Variants in C4orf46 observed in about 807,000 individuals in gnomAD.
C4orf46 encodes chromosome 4 open reading frame 46, also known as renal cancer differentiation gene 1 protein.
In C4orf46, 8 loss-of-function variants were observed where a neutral mutation model predicts 9.1. The ratio of observed to expected loss-of-function variants is 0.88; its 90% confidence interval spans 0.52 to 1.59. C4orf46 has a LOEUF of 1.59. Ranked by LOEUF, C4orf46 falls within the 40% of genes most tolerant of loss-of-function variation. The pLI is 0.00. For synonymous variants in C4orf46, 51 were observed against 58.8 expected (o/e 0.87, Z 0.61); for missense variants, 151 against 139.1 (o/e 1.09, Z -0.43).
Position 158,667,156 on chromosome 4 carries a change from G to T in C4orf46, c.*2457C>A, listed in dbSNP as rs770959865. The T allele has an allele frequency of 6.6e-6, 1 of 152,106 alleles. No individual in the cohort carries two copies. Among genetic ancestry groups the T allele is most frequent in the Non-Finnish European group, 1.5e-5 (1 of 68,016 alleles). The allele number at this position is 152,106 out of a possible 1,614,324, so 9.4% of individuals were successfully genotyped here. On this transcript the variant is annotated 3_prime_UTR_variant, in exon 2 of 2. Transcript: ENST00000379205. ...AAAAAGAACAGAAAGGTCAGAATCTGGCCCTTACATAGTAACTGCATGACA... is the reference window on the plus strand; with the variant it reads ...AAAAAGAACAGAAAGGTCAGAATCTTGCCCTTACATAGTAACTGCATGACA...
chr4:158,671,811 T>G lies in C4orf46; in HGVS notation c.-10A>C, dbSNP rs373903406. 4.7e-6 allele frequency: 7 copies of G among 1,499,398 alleles called. No homozygotes were observed. In the South Asian group the frequency reaches 7.6e-5, roughly 16 times the overall value. 92.9% of individuals were successfully genotyped at this position (1,499,398 alleles called of 1,614,324 possible). A position where few individuals can be genotyped will look rare whatever the true frequency, so the allele number is the denominator to read the frequency against. On this transcript the variant is annotated 5_prime_UTR_variant, in exon 1 of 2. Coordinates refer to ENST00000379205, the MANE Select transcript of C4orf46 (RefSeq NM_001008393.4). Reference sequence around the variant, plus strand: ...CCTCAGGGTCGGCCATGGGGAAGGGTTGGGACCGCGGAATCCGACCCGAGA... The same window carrying G: ...CCTCAGGGTCGGCCATGGGGAAGGGGTGGGACCGCGGAATCCGACCCGAGA...
chr4:158,667,039 G>A lies in C4orf46; in HGVS notation c.*2574C>T, dbSNP rs1454285697. On this transcript the variant is annotated 3_prime_UTR_variant, in exon 2 of 2. Transcript: ENST00000379205. ...AAGGACAGTTAAAATAGCCATTTCTGCAACTACTGTTAGTCAAGCACCTTT... is the reference window on the plus strand; with the variant it reads ...AAGGACAGTTAAAATAGCCATTTCTACAACTACTGTTAGTCAAGCACCTTT... The A allele has an allele frequency of 2.0e-5, 3 of 152,156 alleles. No individual in the cohort carries two copies. Among genetic ancestry groups the A allele is most frequent in the Non-Finnish European group, 4.4e-5 (3 of 68,024 alleles). 9.4% of individuals were successfully genotyped at this position (152,156 alleles called of 1,614,324 possible).
rs1217929605 is a variant in C4orf46, at chr4:158,667,070, G to A, written c.*2543C>T. 2.0e-5 allele frequency: 3 copies of A among 152,116 alleles called. No individual in the cohort carries two copies. The highest frequency in any genetic ancestry group is 1.9e-4 in the East Asian group (1 of 5,196). The allele number at this position is 152,116 out of a possible 1,614,324, so 9.4% of individuals were successfully genotyped here. ...ACTGTTAGTCAAGCACCTTTAGCTC[G>A]AAATAATCAGTATGCCAAATCGGCA... On this transcript the variant is annotated 3_prime_UTR_variant, in exon 2 of 2. Transcript: ENST00000379205.
At position 158,671,796 on chromosome 4, in the gene C4orf46, G is replaced by A. The variant is rs4596202; in HGVS notation, c.6C>T (p.Ala2=). The A allele has an allele frequency of 6.5e-7, 1 of 1,538,628 alleles. No homozygotes were observed. The highest frequency in any genetic ancestry group is 2.5e-5 in the East Asian group (1 of 40,454). Residue 2 remains alanine, a synonymous_variant, in exon 1 of 2, where the codon GCC becomes GCT. Transcript: ENST00000379205. M[A]DPEELQVSSP... is the part of the protein sequence containing the mutation. ...AAGAAACCTGCAACTCCTCAGGGTC[G>A]GCCATGGGGAAGGGTTGGGACCGCG...
intron 1 of C4orf46, among the ~76,000 whole-genome samples, chr4:158,670,023 C>CTTTTTTTTTT (rs767110704): frequency 1.1e-4 from 2 of 17,676 alleles, no homozygotes; most frequent in African/African-American, 2.2e-4. Flanking sequence ...TAGTTGTTTT[C>CTTTTTTTTTT]TTTTTTTTTT....
chr4:158,671,888 GC>G, upstream of C4orf46: 1 of 1,142,160 alleles, frequency 8.8e-7, no homozygotes, highest in Non-Finnish European at 1.2e-6. Context: ...AAGCCGAAAG[GC>G]CCCGCCTCCT....
In C4orf46 at chr4:158,667,883, CAA is replaced by C. The variant is rs1773423242; in HGVS notation, c.*1728_*1729del. On this transcript the variant is annotated 3_prime_UTR_variant, in exon 2 of 2. Coordinates refer to ENST00000379205, the MANE Select transcript of C4orf46 (RefSeq NM_001008393.4). ...GAAGCTGGCTACCACATATATAAAA[CAA>C]TATTTTGTAGCGCTTTTAAAAAATA... 6.6e-6 allele frequency: 1 copy of C among 152,048 alleles called. No individual in the cohort carries two copies. Among genetic ancestry groups the C allele is most frequent in the East Asian group, 1.9e-4 (1 of 5,200 alleles). 9.4% of individuals were successfully genotyped at this position (152,048 alleles called of 1,614,324 possible).
chr4:158,670,240 C>T (rs1321815091), intron 1 of C4orf46, among the ~76,000 whole-genome samples: 1 of 151,952 alleles, frequency 6.6e-6, no homozygotes, highest in Non-Finnish European at 1.5e-5. Flanking sequence ...TCACGCTGGT[C>T]TCGAACTCCT....
At chr4:158,669,996 G>A (rs1206094273) in intron 1 of C4orf46, among the ~76,000 whole-genome samples, 1 of 143,126 alleles carries the variant, frequency 7.0e-6, no homozygotes, top group Non-Finnish European at 1.5e-5. Context: ...TTATGTCTGA[G>A]ATATGACAAA....
rs1419040594 is a variant in C4orf46, at chr4:158,667,144, AG to A, written c.*2468del. 2 of 152,240 alleles carry A rather than the reference AG, an allele frequency of 1.3e-5. No individual in the cohort carries two copies. The highest frequency in any genetic ancestry group is 2.9e-5 in the Non-Finnish European group (2 of 68,038). 9.4% of individuals were successfully genotyped at this position (152,240 alleles called of 1,614,324 possible). A position where few individuals can be genotyped will look rare whatever the true frequency, so the allele number is the denominator to read the frequency against. On this transcript the variant is annotated 3_prime_UTR_variant, in exon 2 of 2. Transcript: ENST00000379205. ...TTTCCTTCAGATAAAAAGAACAGAAAGGTCAGAATCTGGCCCTTACATAGTA... is the reference window on the plus strand; with the variant it reads ...TTTCCTTCAGATAAAAAGAACAGAAAGTCAGAATCTGGCCCTTACATAGTA...
intron 1 of C4orf46, 89 bp from the exon 2 acceptor site, chr4:158,669,857 C>G: frequency 9.6e-7 from 1 of 1,037,132 alleles, no homozygotes; most frequent in East Asian, 2.6e-5. Flanking sequence ...GCTTTGAATC[C>G]AATGCCCATG....
At chr4:158,670,313 G>A (rs1277379501) in intron 1 of C4orf46, among the ~76,000 whole-genome samples, 1 of 152,100 alleles carries the variant, frequency 6.6e-6, no homozygotes, top group Non-Finnish European at 1.5e-5. Context: ...GTGAGCCACC[G>A]TGCTTGGCCC....
intron 1 of C4orf46, among the ~76,000 whole-genome samples, chr4:158,670,490 A>G (rs757340687): frequency 6.6e-6 from 1 of 152,208 alleles, no homozygotes; most frequent in Non-Finnish European, 1.5e-5. Context: ...AACAATGAAA[A>G]TGTATAGATC....
rs1773399384 is a variant in C4orf46, at chr4:158,667,095, A to C, written c.*2518T>G. ...GAAATAATCAGTATGCCAAATCGGCATATTTGGGGGTGGCATGTTCAAATT... is the reference window on the plus strand; with the variant it reads ...GAAATAATCAGTATGCCAAATCGGCCTATTTGGGGGTGGCATGTTCAAATT... On this transcript the variant is annotated 3_prime_UTR_variant, in exon 2 of 2. Transcript: ENST00000379205. The C allele has an allele frequency of 3.9e-5, 6 of 152,190 alleles. No homozygotes were observed. Among genetic ancestry groups the C allele is most frequent in the Admixed American group, 3.9e-4 (6 of 15,278 alleles). The allele number at this position is 152,190 out of a possible 1,614,324, so 9.4% of individuals were successfully genotyped here. A position where few individuals can be genotyped will look rare whatever the true frequency, so the allele number is the denominator to read the frequency against.
At chr4:158,670,028 T>TTTTTTTTTTTTTTTTTTC (rs1554030228) in intron 1 of C4orf46, among the ~76,000 whole-genome samples, 3 of 113,140 alleles carry the variant, frequency 2.7e-5, no homozygotes, top group Non-Finnish European at 5.0e-5. Context: ...GTTTTCTTTT[T>TTTTTTTTTTTTTTTTTTC]TTTTTTTTTT....
Position 158,669,509 on chromosome 4 carries a change from G to A in C4orf46, c.*104C>T. 1 of 1,171,350 alleles carries A rather than the reference G, an allele frequency of 8.5e-7. No homozygotes were observed. The highest frequency in any genetic ancestry group is 1.2e-6 in the Non-Finnish European group (1 of 826,606). The allele number at this position is 1,171,350 out of a possible 1,614,324, so 72.6% of individuals were successfully genotyped here. A position where few individuals can be genotyped will look rare whatever the true frequency, so the allele number is the denominator to read the frequency against. On this transcript the variant is annotated 3_prime_UTR_variant, in exon 2 of 2. Transcript: ENST00000379205. ...AAAAATTTCATTCTGAGTATATACA[G>A]AACTGCTGGACAGAGGTCATCCTAT...
chr4:158,671,550 G>A (rs1419041408), intron 1 of C4orf46, 66 bp downstream of exon 1: 10 of 1,390,362 alleles, frequency 7.2e-6, no homozygotes, highest in Non-Finnish European at 8.5e-6. Context: ...CTAGCCTCGC[G>A]AGCCCCGCCG....
At position 158,669,224 on chromosome 4, in the gene C4orf46, C is replaced by T. The variant is rs1421866540; in HGVS notation, c.*389G>A. Reference sequence around the variant, plus strand: ...TCCACCACTGGCAACCTTAAAGTTACCTCCCTTGGTCCTTAAGATGAAACG... The same window carrying T: ...TCCACCACTGGCAACCTTAAAGTTATCTCCCTTGGTCCTTAAGATGAAACG... On this transcript the variant is annotated 3_prime_UTR_variant, in exon 2 of 2. Transcript: ENST00000379205. 2 of 155,794 alleles carry T rather than the reference C, an allele frequency of 1.3e-5. No homozygotes were observed. Among genetic ancestry groups the T allele is most frequent in the African/African-American group, 4.8e-5 (2 of 41,534 alleles). 9.7% of individuals were successfully genotyped at this position (155,794 alleles called of 1,614,324 possible). A position where few individuals can be genotyped will look rare whatever the true frequency, so the allele number is the denominator to read the frequency against.
Position 158,667,045 on chromosome 4 carries a change from A to G in C4orf46, c.*2568T>C, listed in dbSNP as rs1773394868. ...AGTTAAAATAGCCATTTCTGCAACT[A>G]CTGTTAGTCAAGCACCTTTAGCTCG... On this transcript the variant is annotated 3_prime_UTR_variant, in exon 2 of 2. Coordinates refer to ENST00000379205, the MANE Select transcript of C4orf46 (RefSeq NM_001008393.4). The G allele has an allele frequency of 6.6e-6, 1 of 152,176 alleles. No individual in the cohort carries two copies. The highest frequency in any genetic ancestry group is 2.4e-5 in the African/African-American group (1 of 41,444). 9.4% of individuals were successfully genotyped at this position (152,176 alleles called of 1,614,324 possible).
Sources: allele counts gnomAD v4.1 joint callset (sites outside exome capture counted in the v4.1 genomes callset), GRCh38; gene constraint gnomAD v4.1.1; transcripts MANE v1.5; gene names NCBI Gene and HGNC (gene_info 2026-07-23, HGNC 2026-07-21).